The following C1R variants were observed in gnomAD, a reference collection of about 807,000 sequenced individuals.
The protein encoded by C1R is complement C1r, also known as complement C1r subcomponent.
Under a neutral mutation model 27.6 loss-of-function variants are expected in C1R, and 15 were observed. The ratio of observed to expected loss-of-function variants is 0.54; its 90% CI spans 0.36 to 0.84. C1R has a LOEUF of 0.84. C1R is among the 40% of genes least tolerant of loss of function. C1R has a pLI of 0.01. For synonymous variants in C1R, 253 were observed against 228.8 expected, an observed-to-expected ratio of 1.11 and a Z score of -0.95; for missense variants, 544 against 577.9, an observed-to-expected ratio of 0.94 and a Z score of 0.60.
rs1172519399 is a variant in C1R at position 7,085,376 on chromosome 12, G to T, written c.1273+485C>A. On this transcript the variant is annotated intron_variant, in intron 9 of 10. Transcript: ENST00000647956. The stretch of plus-strand genomic sequence containing the variant: ...GGTGATGGTGGTGATGATGGTGTTG[G>T]TGGTGGTGATGGTGGCATCGGTGTT... Among the ~76,000 whole-genome samples the T allele has an allele frequency of 6.6e-5, 10 of 150,778 alleles. No homozygotes were observed. In the East Asian group the frequency reaches 1.2e-3, roughly 18 times the overall value.
In C1R at chr12:7,082,020, G is replaced by T. The variant is rs747703059; in HGVS notation, c.1348+12C>A. 3.3e-6 allele frequency: 5 copies of T among 1,536,570 alleles called. No individual in the cohort carries two copies. Among genetic ancestry groups the T allele is most frequent in the Admixed American group, 2.0e-5 (1 of 51,002 alleles). On this transcript the variant is annotated intron_variant, in intron 10 of 10. Coordinates refer to ENST00000647956, the MANE Select transcript of C1R (RefSeq NM_001733.7). ...AAGACCCTGATGATGGCCCCAGAGG[G>T]TTTCCACTCACCTGGCAAGCACCGA...
chr12:7,083,321 G>GTGT (rs1293694406), intron 9 of C1R, among the ~76,000 whole-genome samples: 333 of 2,440 alleles, frequency 0.14, 3 homozygotes, highest in African/African-American at 0.34. Flanking sequence ...AATGGTGATG[G>GTGT]TGGTAATGGT....
chr12:7,092,121 G>A, intron 1 of C1R: 1 of 597,892 alleles, frequency 1.7e-6, no homozygotes, highest in Non-Finnish European at 3.0e-6. Context: ...TCCCGTCCTG[G>A]GCAAGGGGTC....
chr12:7,080,394 A>T lies in C1R; in HGVS notation c.*138T>A, dbSNP rs928922553. 2.8e-6 allele frequency: 4 copies of T among 1,417,970 alleles called. No individual in the cohort carries two copies. Among genetic ancestry groups the T allele is most frequent in the Non-Finnish European group, 3.7e-6 (4 of 1,088,608 alleles). The allele number at this position is 1,417,970 out of a possible 1,614,324, so 87.8% of individuals were successfully genotyped here. On this transcript the variant is annotated 3_prime_UTR_variant, in exon 11 of 11. Coordinates refer to ENST00000647956, the MANE Select transcript of C1R (RefSeq NM_001733.7). The surrounding 1 kb of genome is among the most constrained non-coding windows in gnomAD (Gnocchi z 4.9). ...TAAAGTACATCAATGGGACTACAGGAAAGAGAATTTCACACACGGTCTTTC... is the reference window on the plus strand; with the variant it reads ...TAAAGTACATCAATGGGACTACAGGTAAGAGAATTTCACACACGGTCTTTC...
chr12:7,082,444 G>T (rs1186285578), intron 9 of C1R, among the ~76,000 whole-genome samples: 1 of 151,954 alleles, frequency 6.6e-6, no homozygotes, highest in South Asian at 2.1e-4. Context: ...CCATTCTCCT[G>T]CCTCAGCCTC....
rs1280595324 is a variant in C1R, at chr12:7,091,216, T to C, written c.231+236A>G. ...GAAGGTTTTCCTGACTCAGTGGATG[T>C]TGAATTTCCTGAGTGGGTCCTGTCC... On this transcript the variant is annotated intron_variant, in intron 2 of 10. Transcript: ENST00000647956. This position sits in a 1 kb window ranked among gnomAD's most constrained non-coding sequence, Gnocchi z 5.1. 7 of 514,408 alleles carry C rather than the reference T, an allele frequency of 1.4e-5. No homozygotes were observed. The highest frequency in any genetic ancestry group is 3.6e-5 in the East Asian group (1 of 28,110). The allele number at this position is 514,408 out of a possible 1,614,324, so 31.9% of individuals were successfully genotyped here. A position where few individuals can be genotyped will look rare whatever the true frequency, so the allele number is the denominator to read the frequency against.
chr12:7,092,248 G>A, intron 1 of C1R, 139 bp downstream of exon 1: 1 of 726,226 alleles, frequency 1.4e-6, no homozygotes, highest in Non-Finnish European at 2.6e-6. Context: ...TGTGTTGTGT[G>A]TGTCCACGCG....
At chr12:7,084,770 G>GTGT (rs1938112799) in intron 9 of C1R, among the ~76,000 whole-genome samples, 2 of 150,334 alleles carry the variant, frequency 1.3e-5, no homozygotes, top group East Asian at 1.9e-4. Flanking sequence ...GGTGGTGATG[G>GTGT]TAGTGTTGGT....
At chr12:7,085,477 A>G (rs1439422305) in intron 9 of C1R, among the ~76,000 whole-genome samples, 3 of 150,236 alleles carry the variant, frequency 2.0e-5, no homozygotes, top group Admixed American at 1.3e-4. Context: ...TGGTAATGGT[A>G]ACAGTGTTGA....
intron 3 of C1R, 121 bp from the exon 4 acceptor site, chr12:7,089,854 C>T (rs1418556197): frequency 2.8e-6 from 2 of 711,666 alleles, no homozygotes; most frequent in African/African-American, 1.7e-5. Flanking sequence ...CCACCTGGAC[C>T]TCCAGGCCTC....
At chr12:7,086,213 T>A (rs1938153817) in intron 8 of C1R, among the ~76,000 whole-genome samples, 166 bp downstream of exon 8, 4 of 152,264 alleles carry the variant, frequency 2.6e-5, no homozygotes. Flanking sequence ...CCCACTGAGA[T>A]GAGGGCTCAC....
chr12:7,080,397 G>A lies in C1R; in HGVS notation c.*135C>T. ...AGTACATCAATGGGACTACAGGAAA[G>A]AGAATTTCACACACGGTCTTTCTGC... On this transcript the variant is annotated 3_prime_UTR_variant, in exon 11 of 11. Coordinates refer to ENST00000647956, the MANE Select transcript of C1R (RefSeq NM_001733.7). The surrounding 1 kb of genome is among the most constrained non-coding windows in gnomAD (Gnocchi z 4.9). 1 of 1,421,302 alleles carries A rather than the reference G, an allele frequency of 7.0e-7. No homozygotes were observed. The highest frequency in any genetic ancestry group is 9.2e-7 in the Non-Finnish European group (1 of 1,090,090). 88.0% of individuals were successfully genotyped at this position (1,421,302 alleles called of 1,614,324 possible). A position where few individuals can be genotyped will look rare whatever the true frequency, so the allele number is the denominator to read the frequency against.
intron 2 of C1R, 180 bp from the exon 3 acceptor site, chr12:7,090,428 C>G (rs1275411541): frequency 1.7e-6 from 1 of 599,166 alleles, no homozygotes; most frequent in Non-Finnish European, 3.0e-6. Flanking sequence ...CAGCTGTTCC[C>G]TGAGTCTCCC....
chr12:7,090,895 G>A (rs1035869727), intron 2 of C1R, among the ~76,000 whole-genome samples: 2 of 152,204 alleles, frequency 1.3e-5, no homozygotes, highest in African/African-American at 4.8e-5. Context: ...ATCTCCAGGG[G>A]TCTCCTGGGA....
intron 3 of C1R, 152 bp from the exon 4 acceptor site, chr12:7,089,885 G>C (rs1406935194): frequency 2.8e-6 from 2 of 710,244 alleles, no homozygotes; most frequent in Non-Finnish European, 5.2e-6. Context: ...TCTGGGGACT[G>C]CTCCATGGGG....
chr12:7,091,931 C>T lies in C1R; in HGVS notation c.3-251G>A. On this transcript the variant is annotated intron_variant, in intron 1 of 10. Transcript: ENST00000647956. The surrounding 1 kb of genome is among the most constrained non-coding windows in gnomAD (Gnocchi z 5.1). ...ACCACACTCCCCTCACACTCCCTTT[C>T]CAGCCTCCTCCCCTGCCCGGACGCG... 2 of 656,900 alleles carry T rather than the reference C, an allele frequency of 3.0e-6. No individual in the cohort carries two copies. The highest frequency in any genetic ancestry group is 3.1e-5 in the South Asian group (2 of 63,982). 40.7% of individuals were successfully genotyped at this position (656,900 alleles called of 1,614,324 possible).
chr12:7,081,122 C>G lies in C1R; in HGVS notation c.1528G>C (p.Glu510Gln), dbSNP rs1013183375. Residue 510 changes from glutamate (E) to glutamine (Q), a missense_variant, in exon 11 of 11, where the codon GAA becomes CAA. This residue lies in a region of C1R where 253 missense variants were observed against 368.9 expected (regional missense o/e 0.69). Transcript: ENST00000647956. Reference protein sequence around the residue: ...AAHTLYPKEHEAQSNASLDVF... With the variant: ...AAHTLYPKEHQAQSNASLDVF... ...TCCAAAGAGGCGTTGCTTTGCGCTT[C>G]GTGTTCCTTGGGATACAGGGTGTGG... is the stretch of plus-strand genomic sequence containing the variant. 1 of 1,613,938 alleles carries G rather than the reference C, an allele frequency of 6.2e-7. No individual in the cohort carries two copies. Among genetic ancestry groups the G allele is most frequent in the Non-Finnish European group, 8.5e-7 (1 of 1,179,902 alleles).
intron 2 of C1R, chr12:7,090,460 T>A: frequency 1.7e-6 from 1 of 572,418 alleles, no homozygotes; most frequent in South Asian, 2.3e-5. Flanking sequence ...CTTTGCGTGT[T>A]GTCCTGGACT....
At chr12:7,082,158 T>C (rs1334651524) in intron 9 of C1R, 52 bp from the exon 10 acceptor site, 1 of 1,073,044 alleles carries the variant, frequency 9.3e-7, no homozygotes, top group East Asian at 2.6e-5. Context: ...GTAAGAAAAC[T>C]AGGTTGCAGA....
Sources: gnomAD v4.1 joint callset for allele counts (sites outside exome capture counted in the v4.1 genomes callset) on GRCh38, gnomAD v4.1.1 for gene constraint, gnomAD v4.1.1 regional missense constraint, Gnocchi (gnomAD v3.1) non-coding constraint, MANE v1.5 for transcripts, NCBI Gene and HGNC (gene_info 2026-07-23, HGNC 2026-07-21) for gene names.